Variants in CKMT2 observed in about 807,000 individuals in gnomAD.
The protein encoded by CKMT2 is creatine kinase, mitochondrial 2, also known as creatine kinase S-type, mitochondrial.
Under a neutral mutation model 48.9 loss-of-function variants are expected in CKMT2, and 43 were observed. The ratio of observed to expected loss-of-function variants is 0.88; its 90% CI spans 0.69 to 1.13. The LOEUF is 1.13. Among genes scored for constraint, CKMT2 ranks in the 50% most tolerant of loss-of-function variants. The pLI, the probability that CKMT2 is intolerant of heterozygous loss-of-function variation, is 0.00. For synonymous variants in CKMT2, 206 were observed against 213.0 expected (o/e 0.97, Z 0.29); for missense variants, 472 against 555.4 (o/e 0.85, Z 1.51).
chr5:81,241,482 T>C (rs1476395448), intron 1 of CKMT2, among the ~76,000 whole-genome samples: 1 of 152,154 alleles, frequency 6.6e-6, no homozygotes, highest in Non-Finnish European at 1.5e-5. Flanking sequence ...TCAAGGAAGA[T>C]AGCTCCCTAC....
chr5:81,264,816 T>C (rs1757336965), intron 9 of CKMT2, among the ~76,000 whole-genome samples: 2 of 152,180 alleles, frequency 1.3e-5, no homozygotes, highest in Admixed American at 6.5e-5. Context: ...ATAACCATTG[T>C]GAACATTATT....
At position 81,245,571 on chromosome 5, in the gene CKMT2, A is replaced by G. The variant is rs114078176; in HGVS notation, c.-20-5542A>G. 5.7e-3 allele frequency among the ~76,000 whole-genome samples: 875 copies of G among 152,302 alleles called. 9 individuals are homozygous for G. The highest frequency in any genetic ancestry group is 0.02 in the African/African-American group (825 of 41,556). On this transcript the variant is annotated intron_variant, in intron 1 of 9. Coordinates refer to ENST00000254035, the MANE Select transcript of CKMT2 (RefSeq NM_001099735.2). ...ACATCTGAGGTCGTCTGTGAGTTGAAGAGAATGTGGGGAAGTTCTTAGGGC... is the reference window on the plus strand; with the variant it reads ...ACATCTGAGGTCGTCTGTGAGTTGAGGAGAATGTGGGGAAGTTCTTAGGGC...
At chr5:81,263,708 T>C (rs1312418319) in intron 9 of CKMT2, 92 bp downstream of exon 9, 16 of 1,233,000 alleles carry the variant, frequency 1.3e-5, no homozygotes, top group Non-Finnish European at 1.7e-5. Context: ...TTTCACAAAA[T>C]TCGAGACCTC....
chr5:81,247,632 G>T (rs1756656444), intron 1 of CKMT2, among the ~76,000 whole-genome samples: 1 of 152,228 alleles, frequency 6.6e-6, no homozygotes, highest in Non-Finnish European at 1.5e-5. Flanking sequence ...TGGGTCTTTG[G>T]AGAGCATGGA....
intron 9 of CKMT2, 49 bp downstream of exon 9, chr5:81,263,665 G>A (rs1035756024): frequency 3.9e-6 from 6 of 1,531,146 alleles, no homozygotes; most frequent in Non-Finnish European, 5.3e-6. Context: ...ATCAGCCTAA[G>A]AGAGAATAGA....
intron 4 of CKMT2, 158 bp from the exon 5 acceptor site, chr5:81,254,835 C>T (rs1756940905): frequency 1.5e-6 from 1 of 673,214 alleles, no homozygotes; most frequent in Non-Finnish European, 2.6e-6. Context: ...GTCCGTGCCC[C>T]AAGACTTCCG....
chr5:81,264,136 A>C (rs1052166899), intron 9 of CKMT2, among the ~76,000 whole-genome samples: 1 of 152,226 alleles, frequency 6.6e-6, no homozygotes, highest in African/African-American at 2.4e-5. Flanking sequence ...AGGTTTAGAT[A>C]AGTTTGTGCT....
Position 81,259,164 on chromosome 5 carries a change from T to C in CKMT2, c.924T>C (p.Asn308=). 1.2e-6 allele frequency: 2 copies of C among 1,614,046 alleles called. No homozygotes were observed. Among genetic ancestry groups the C allele is most frequent in the Non-Finnish European group, 1.7e-6 (2 of 1,179,946 alleles). ...IQERGWEFMW[N]ERLGYILTCP... Reference sequence around the variant, plus strand: ...AACGAGGCTGGGAGTTCATGTGGAATGAGCGCCTAGGATACATTTTGACCT... The same window carrying C: ...AACGAGGCTGGGAGTTCATGTGGAACGAGCGCCTAGGATACATTTTGACCT... Residue 308 remains asparagine (N), a synonymous_variant, in exon 8 of 10, where the codon AAT becomes AAC. Transcript: ENST00000254035.
chr5:81,240,761 C>T (rs1756408230), intron 1 of CKMT2, among the ~76,000 whole-genome samples: 1 of 152,118 alleles, frequency 6.6e-6, no homozygotes, highest in Non-Finnish European at 1.5e-5. Context: ...ATACCTACTT[C>T]TTGGGATTGT....
intron 6 of CKMT2, 141 bp downstream of exon 6, chr5:81,257,141 AGTGT>A (rs3830407): frequency 0.036 from 17,598 of 494,928 alleles, 206 homozygotes; most frequent in African/African-American, 0.065. Context: ...CTACTTGGAA[AGTGT>A]GTGTGTGTGT....
In CKMT2 at chr5:81,254,238, T is replaced by C. The variant is rs1029903462; in HGVS notation, c.352-158T>C. 3.9e-5 allele frequency among the ~76,000 whole-genome samples: 6 copies of C among 152,158 alleles called. 1 individual carries two copies. In the East Asian group the frequency reaches 1.2e-3, roughly 29 times the overall value. On this transcript the variant is annotated intron_variant, in intron 3 of 9. Transcript: ENST00000254035. ...TGTTGTTGTTGTTGTTATTAACCAA[T>C]CCATTCTCACATCCATTTCCTATAT... is the stretch of plus-strand genomic sequence containing the variant.
chr5:81,249,884 T>C (rs1310336910), intron 1 of CKMT2, among the ~76,000 whole-genome samples: 2 of 152,224 alleles, frequency 1.3e-5, no homozygotes, highest in Non-Finnish European at 2.9e-5. Context: ...AGGTAAACTG[T>C]CTTTTCTTTC....
intron 3 of CKMT2, among the ~76,000 whole-genome samples, 175 bp from the exon 4 acceptor site, chr5:81,254,221 T>C (rs1426288088): frequency 2.0e-5 from 3 of 152,198 alleles, no homozygotes; most frequent in Admixed American, 1.3e-4. Context: ...GTTGTTGTTG[T>C]TGTTGTTATT....
intron 1 of CKMT2, among the ~76,000 whole-genome samples, chr5:81,246,126 A>G (rs1413492026): frequency 6.6e-6 from 1 of 150,964 alleles, no homozygotes; most frequent in Non-Finnish European, 1.5e-5. Flanking sequence ...GTCCCTCTAA[A>G]CCATTCTCCA....
At chr5:81,236,412 G>C (rs1756244785) in intron 1 of CKMT2, among the ~76,000 whole-genome samples, 1 of 152,138 alleles carries the variant, frequency 6.6e-6, no homozygotes, top group African/African-American at 2.4e-5. Context: ...TAGTGTGCTG[G>C]CACTGAAACC....
chr5:81,265,537 A>G (rs572346308), intron 9 of CKMT2, among the ~76,000 whole-genome samples: 4 of 152,316 alleles, frequency 2.6e-5, no homozygotes, highest in African/African-American at 9.6e-5. Flanking sequence ...AATTAAGTAG[A>G]TGTGCTCTGG....
intron 8 of CKMT2, among the ~76,000 whole-genome samples, chr5:81,262,565 A>T (rs893718592): frequency 2.0e-5 from 3 of 152,230 alleles, no homozygotes; most frequent in African/African-American, 7.2e-5. Context: ...ATGTGGCCAA[A>T]AAACATGAAA....
chr5:81,250,940 A>AACACACACACAC (rs142418532), intron 1 of CKMT2, among the ~76,000 whole-genome samples, 173 bp from the exon 2 acceptor site: 8,651 of 132,908 alleles, frequency 0.065, 367 homozygotes, highest in Non-Finnish European at 0.073. Flanking sequence ...AGAAATAGAA[A>AACACACACACAC]ACACACACAC....
At chr5:81,246,561 C>T (rs1756617975) in intron 1 of CKMT2, among the ~76,000 whole-genome samples, 1 of 152,178 alleles carries the variant, frequency 6.6e-6, no homozygotes, top group Non-Finnish European at 1.5e-5. Context: ...GAAGCCCCCA[C>T]AGGAGAGAAC....
Sources: gnomAD v4.1 joint callset for allele counts (sites outside exome capture counted in the v4.1 genomes callset) on GRCh38, gnomAD v4.1.1 for gene constraint, MANE v1.5 for transcripts, NCBI Gene and HGNC (gene_info 2026-07-23, HGNC 2026-07-21) for gene names.